The following ZNF43 variants were observed in gnomAD, a reference collection of about 807,000 sequenced individuals.
ZNF43 encodes the protein zinc finger protein 43.
ZNF43 carries 44 observed loss-of-function variants against 68.4 expected under a neutral mutation model. The observed-to-expected ratio is 0.64, with a 90% CI of 0.51 to 0.83. The LOEUF (loss-of-function observed/expected upper bound fraction) is 0.83, where lower values mean the gene tolerates loss of function less well. ZNF43 is among the 40% of genes least tolerant of loss of function. The pLI is 0.00. For synonymous variants in ZNF43, 308 were observed against 307.8 expected (o/e 1.00, Z -0.01); for missense variants, 896 against 933.2 (o/e 0.96, Z 0.52).
At chr19:21,819,349 G>A (rs1315930415) in intron 1 of ZNF43, 128 bp from the exon 2 acceptor site, 1 of 1,003,692 alleles carries the variant, frequency 1.0e-6, no homozygotes, top group East Asian at 2.9e-5. Flanking sequence ...AGAAGAGACT[G>A]AAATTATCCA....
chr19:21,817,835 A>C, intron 3 of ZNF43, 53 bp downstream of exon 3: 1 of 1,546,590 alleles, frequency 6.5e-7, no homozygotes. Flanking sequence ...CTTTCCCCTT[A>C]ACCTTTGGAC....
chr19:21,815,931 G>A (rs2037506569), intron 3 of ZNF43, among the ~76,000 whole-genome samples: 1 of 151,774 alleles, frequency 6.6e-6, no homozygotes, highest in Non-Finnish European at 1.5e-5. Context: ...TGTGATGGGG[G>A]ACACCTGTAA....
At chr19:21,836,189 C>T, upstream of ZNF43, 1 of 1,517,292 alleles carries the variant, frequency 6.6e-7, no homozygotes, top group Non-Finnish European at 8.8e-7. Context: ...AGACAAAGGC[C>T]CCGCCACATC....
rs376438675 is a variant in ZNF43 at position 21,842,364 on chromosome 19, G to A, written c.30+9541C>T. ...GCAGAGGTTGCAGTGAGCTGAGATC[G>A]TGCCACTGCACTCCAGCCTGGCAAC... On this transcript the variant is annotated intron_variant, in intron 1 of 3. Coordinates refer to the ZNF43 transcript ENST00000357491. Among the ~76,000 whole-genome samples, 6 of 149,766 alleles carry A rather than the reference G, an allele frequency of 4.0e-5. No homozygotes were observed. In the East Asian group the frequency reaches 7.9e-4, roughly 20 times the overall value.
At chr19:21,812,099 C>A in intron 3 of ZNF43, 1 of 397,522 alleles carries the variant, frequency 2.5e-6, no homozygotes, top group South Asian at 1.3e-4. Context: ...ATGTGATATT[C>A]CTTAATATTC....
At chr19:21,843,505 C>G (rs1447271259) in intron 1 of ZNF43, among the ~76,000 whole-genome samples, 1 of 152,166 alleles carries the variant, frequency 6.6e-6, no homozygotes, top group Admixed American at 6.5e-5. Flanking sequence ...AAATCATAGC[C>G]TTGGCCAGGC....
At chr19:21,850,684 A>C (rs1968289091) in intron 1 of ZNF43, among the ~76,000 whole-genome samples, 1 of 152,232 alleles carries the variant, frequency 6.6e-6, no homozygotes, top group African/African-American at 2.4e-5. Flanking sequence ...AGAGTCACAT[A>C]ACCTGAGAGC....
At chr19:21,838,939 TTC>T (rs1287295052), upstream of ZNF43, 1 of 152,166 alleles carries the variant, frequency 6.6e-6, no homozygotes, top group African/African-American at 2.4e-5. Flanking sequence ...TGTCGTAATC[TTC>T]TCTGTTAGCA....
chr19:21,815,876 T>C (rs1171792302), intron 3 of ZNF43, among the ~76,000 whole-genome samples: 3 of 151,818 alleles, frequency 2.0e-5, no homozygotes, highest in Non-Finnish European at 4.4e-5. Context: ...CTGACTAACA[T>C]GGTGAAATCC....
At chr19:21,826,209 A>G (rs952578953) in intron 1 of ZNF43, among the ~76,000 whole-genome samples, 1 of 152,136 alleles carries the variant, frequency 6.6e-6, no homozygotes, top group Non-Finnish European at 1.5e-5. Context: ...GACATCATAC[A>G]CTTTGCAGCA....
At chr19:21,820,559 C>T (rs2037771293) in intron 1 of ZNF43, among the ~76,000 whole-genome samples, 1 of 147,548 alleles carries the variant, frequency 6.8e-6, no homozygotes, top group Non-Finnish European at 1.5e-5. Flanking sequence ...GCCTGGGTGA[C>T]AGAGAAAGAC....
intron 1 of ZNF43, among the ~76,000 whole-genome samples, chr19:21,843,913 C>T (rs1441179911): frequency 2.0e-5 from 3 of 152,194 alleles, no homozygotes; most frequent in East Asian, 3.9e-4. Flanking sequence ...GTGTGACATT[C>T]AGAGCTTCAG....
chr19:21,830,893 G>A (rs1272078141), intron 1 of ZNF43, among the ~76,000 whole-genome samples: 2 of 152,092 alleles, frequency 1.3e-5, no homozygotes, highest in Non-Finnish European at 2.9e-5. Flanking sequence ...ACATCAAAAA[G>A]CTAATCTACT....
At chr19:21,815,505 A>ATATATATATG (rs1243444001) in intron 3 of ZNF43, among the ~76,000 whole-genome samples, 1 of 149,740 alleles carries the variant, frequency 6.7e-6, no homozygotes, top group Non-Finnish European at 1.5e-5. Context: ...ATATATATAT[A>ATATATATATG]TATTTTGCAG....
At chr19:21,831,518 G>A (rs1259701318) in intron 1 of ZNF43, among the ~76,000 whole-genome samples, 1 of 151,828 alleles carries the variant, frequency 6.6e-6, no homozygotes, top group South Asian at 2.1e-4. Context: ...ACACAACAAC[G>A]CCTAGCTAAT....
intron 1 of ZNF43, among the ~76,000 whole-genome samples, chr19:21,829,787 T>C (rs1273638760): frequency 6.6e-6 from 1 of 152,172 alleles, no homozygotes; most frequent in Non-Finnish European, 1.5e-5. Context: ...CTTGAACATC[T>C]GAATTTCAGT....
Position 21,807,742 on chromosome 19 carries a change from T to G in ZNF43, c.2295A>C (p.Lys765Asn), listed in dbSNP as rs1428974448. Reference protein sequence around the residue: ...IHTKEQPYKCKECGKAFNQYS... With the variant: ...IHTKEQPYKCNECGKAFNQYS... Reference sequence around the variant, plus strand: ...ATTGGTTGAAAGCTTTGCCACATTCTTTACATTTGTAGGGTTGCTCTTTAG... The same window carrying G: ...ATTGGTTGAAAGCTTTGCCACATTCGTTACATTTGTAGGGTTGCTCTTTAG... Residue 765 changes from lysine (K) to asparagine (N), a missense_variant, in exon 4 of 4, where the codon AAA (lysine) becomes AAC (asparagine). Transcript: ENST00000354959. 1 of 1,613,694 alleles carries G rather than the reference T, an allele frequency of 6.2e-7. No individual in the cohort carries two copies. The highest frequency in any genetic ancestry group is 8.5e-7 in the Non-Finnish European group (1 of 1,179,788).
At chr19:21,830,933 C>T (rs1407948527) in intron 1 of ZNF43, among the ~76,000 whole-genome samples, 3 of 152,118 alleles carry the variant, frequency 2.0e-5, no homozygotes, top group Admixed American at 6.6e-5. Flanking sequence ...CCCTGGGATG[C>T]AAGGTTATTT....
chr19:21,835,554 A>G lies in ZNF43; in HGVS notation c.3+482T>C, dbSNP rs556696195. On this transcript the variant is annotated intron_variant, in intron 1 of 3. Transcript: ENST00000354959. ...TGTATTTTTAGTATAGACGGGGTTC[A>G]CCATATTAGCCAGGCTGCTCTCGAA... Among the ~76,000 whole-genome samples, 59 of 151,714 alleles carry G rather than the reference A, an allele frequency of 3.9e-4. 1 individual carries two copies. Among genetic ancestry groups the G allele is most frequent in the Admixed American group, 2.0e-4 (3 of 15,232 alleles).
Sources: allele counts gnomAD v4.1 joint callset (sites outside exome capture counted in the v4.1 genomes callset), GRCh38; gene constraint gnomAD v4.1.1; transcripts MANE v1.5; gene names NCBI Gene and HGNC (gene_info 2026-07-23, HGNC 2026-07-21).